Variants in PCDHGA3 observed in about 807,000 individuals in gnomAD.
PCDHGA3 encodes protocadherin gamma-A3.
PCDHGA3 carries 40 observed loss-of-function variants against 58.5 expected under a neutral mutation model. That is an observed-to-expected ratio of 0.68 (90% CI 0.53 to 0.89). The LOEUF (loss-of-function observed/expected upper bound fraction) is 0.89. Among genes scored for constraint, PCDHGA3 ranks in the 40% least tolerant of loss-of-function variants. The pLI is 0.00. For missense variants in PCDHGA3, 1,223 were observed against 1,195.9 expected, an observed-to-expected ratio of 1.02 and a Z score of -0.33; for synonymous variants, 530 against 525.7, an observed-to-expected ratio of 1.01 and a Z score of -0.11.
chr5:141,374,326 C>T (rs1343594345), intron 1 of PCDHGA3: 6 of 1,613,980 alleles, frequency 3.7e-6, no homozygotes, highest in East Asian at 4.5e-5. Context: ...ATCCGCGAAA[C>T]GGCAGCTTGG....
intron 1 of PCDHGA3, chr5:141,478,429 G>C: frequency 6.2e-7 from 1 of 1,613,674 alleles, no homozygotes; most frequent in Non-Finnish European, 8.5e-7. Flanking sequence ...GCAGCGACCC[G>C]CTGCTGAAGA....
intron 1 of PCDHGA3, among the ~76,000 whole-genome samples, chr5:141,380,802 T>C (rs1776746309): frequency 6.6e-6 from 1 of 152,118 alleles, no homozygotes; most frequent in African/African-American, 2.4e-5. Context: ...AAGAAACAAA[T>C]GTGAGATGAA....
chr5:141,491,602 A>T lies in PCDHGA3; in HGVS notation c.2425-3205A>T. On this transcript the variant is annotated intron_variant, in intron 1 of 3. Transcript: ENST00000253812. The surrounding 1 kb of genome is among the most constrained non-coding windows in gnomAD (Gnocchi z 6.9). ...ACCGGCCTCGGACGGCAGTGACTTC[A>T]CTTTTCTAAGACCCCTCAGCGTTCA... is the stretch of plus-strand genomic sequence containing the variant. The T allele has an allele frequency of 6.2e-7, 1 of 1,613,838 alleles. No individual in the cohort carries two copies. Among genetic ancestry groups the T allele is most frequent in the Non-Finnish European group, 8.5e-7 (1 of 1,180,016 alleles).
chr5:141,366,397 C>G, intron 1 of PCDHGA3: 2 of 1,614,182 alleles, frequency 1.2e-6, no homozygotes, highest in African/African-American at 1.3e-5. Flanking sequence ...ATCTGGACCT[C>G]ACACTCTATC....
rs2099702455 is a variant in PCDHGA3, at chr5:141,490,641, G to C, written c.2425-4166G>C. 6.2e-7 allele frequency: 1 copy of C among 1,614,042 alleles called. No homozygotes were observed. Among genetic ancestry groups the C allele is most frequent in the Admixed American group, 1.7e-5 (1 of 60,004 alleles). On this transcript the variant is annotated intron_variant, in intron 1 of 3. Coordinates refer to ENST00000253812, the MANE Select transcript of PCDHGA3 (RefSeq NM_018916.4). The surrounding 1 kb of genome is among the most constrained non-coding windows in gnomAD (Gnocchi z 5.4). ...ACACTGCTTACATCCTAGAAAACCG[G>C]CCTCCGGGCTCCCTTCTTTGCACTG...
chr5:141,421,505 G>A (rs745883683), intron 1 of PCDHGA3: 3 of 1,614,058 alleles, frequency 1.9e-6, no homozygotes, highest in South Asian at 1.1e-5. Context: ...AGGATAGACC[G>A]GGAGGAGCTC....
rs144613597 is a variant in PCDHGA3, at chr5:141,483,029, G to A, written c.2425-11778G>A. 3.9e-3 allele frequency among the ~76,000 whole-genome samples: 588 copies of A among 152,220 alleles called. 6 individuals are homozygous for A. Among genetic ancestry groups the A allele is most frequent in the Admixed American group, 0.011 (169 of 15,280 alleles). ...GAACCCGGGAGGCAGAGGTTGCAAT[G>A]AGCTGGTGTCAGGCCACTGCACTCC... On this transcript the variant is annotated intron_variant, in intron 1 of 3. Transcript: ENST00000253812.
chr5:141,495,465 G>A (rs563411010), intron 2 of PCDHGA3, among the ~76,000 whole-genome samples: 3 of 152,182 alleles, frequency 2.0e-5, no homozygotes, highest in Non-Finnish European at 2.9e-5. Context: ...TGTCTGTGGG[G>A]TCTCCGTGTC....
At chr5:141,479,003 C>A (rs2099485569) in intron 1 of PCDHGA3, among the ~76,000 whole-genome samples, 1 of 152,176 alleles carries the variant, frequency 6.6e-6, no homozygotes, top group African/African-American at 2.4e-5. Flanking sequence ...AAACTAATAG[C>A]TTTTTGATAA....
chr5:141,402,942 G>A, intron 1 of PCDHGA3: 1 of 1,591,382 alleles, frequency 6.3e-7, no homozygotes, highest in Non-Finnish European at 8.6e-7. Flanking sequence ...AAATTCCAAA[G>A]CGAGGCAGCA....
chr5:141,381,834 T>TTCTTTCTTTCTTTCTTTCTTCTTC, intron 1 of PCDHGA3, among the ~76,000 whole-genome samples: 1 of 140,162 alleles, frequency 7.1e-6, no homozygotes, highest in African/African-American at 2.8e-5. Flanking sequence ...TTCTTTTTTT[T>TTCTTTCTTTCTTTCTTTCTTCTTC]TTTTTTTTTT....
intron 1 of PCDHGA3, chr5:141,365,265 C>T: frequency 1.2e-6 from 2 of 1,613,964 alleles, no homozygotes; most frequent in African/African-American, 1.3e-5. Context: ...TATGAAGAAT[C>T]CAGATTCTAC....
At position 141,485,009 on chromosome 5, in the gene PCDHGA3, C is replaced by T. The variant is rs531346426; in HGVS notation, c.2425-9798C>T. The T allele has an allele frequency of 6.4e-5, 40 of 628,334 alleles. No homozygotes were observed. Among genetic ancestry groups the T allele is most frequent in the Admixed American group, 5.3e-4 (18 of 33,986 alleles). The allele number at this position is 628,334 out of a possible 1,614,324, so 38.9% of individuals were successfully genotyped here. On this transcript the variant is annotated intron_variant, in intron 1 of 3. Transcript: ENST00000253812. The surrounding 1 kb of genome is among the most constrained non-coding windows in gnomAD (Gnocchi z 5.7). Reference sequence around the variant, plus strand: ...GGTGGTGAAAGGCAGACAAATCTACCCCGCCACCAGCAAAAACGGCGCGTA... The same window carrying T: ...GGTGGTGAAAGGCAGACAAATCTACTCCGCCACCAGCAAAAACGGCGCGTA...
At chr5:141,346,657 A>G (rs1757788740) in intron 1 of PCDHGA3, 200 bp downstream of exon 1, 2 of 746,560 alleles carry the variant, frequency 2.7e-6, no homozygotes, top group African/African-American at 1.8e-5. Context: ...GCTTAGGGAA[A>G]AAATAATACA....
At chr5:141,365,361 C>T (rs1223911772) in intron 1 of PCDHGA3, 6 of 1,613,832 alleles carry the variant, frequency 3.7e-6, no homozygotes, top group Admixed American at 1.7e-5. Context: ...AATGACAATG[C>T]CCCCGAAGTG....
At chr5:141,470,585 G>A (rs2099233788) in intron 1 of PCDHGA3, among the ~76,000 whole-genome samples, 1 of 152,188 alleles carries the variant, frequency 6.6e-6, no homozygotes, top group African/African-American at 2.4e-5. Flanking sequence ...AACTTCATAG[G>A]CAGGCGACCT....
At chr5:141,420,076 TC>T (rs2096464805) in intron 1 of PCDHGA3, 2 of 1,613,956 alleles carry the variant, frequency 1.2e-6, no homozygotes, top group East Asian at 2.2e-5. Flanking sequence ...GACCTGTGGG[TC>T]CCCCCAACTA....
chr5:141,467,769 G>A (rs573567102), intron 1 of PCDHGA3, among the ~76,000 whole-genome samples: 9 of 151,590 alleles, frequency 5.9e-5, no homozygotes, highest in East Asian at 3.9e-4. Flanking sequence ...TCAAGTGCCC[G>A]CACCTCAGCC....
chr5:141,385,095 G>A (rs1780850874), intron 1 of PCDHGA3: 9 of 1,614,202 alleles, frequency 5.6e-6, no homozygotes, highest in East Asian at 4.5e-5. Context: ...AAGGTGGCTT[G>A]GCGAACGTGC....
Sources: gnomAD v4.1 joint callset for allele counts (sites outside exome capture counted in the v4.1 genomes callset) on GRCh38, gnomAD v4.1.1 for gene constraint, Gnocchi (gnomAD v3.1) non-coding constraint, MANE v1.5 for transcripts, NCBI Gene and HGNC (gene_info 2026-07-23, HGNC 2026-07-21) for gene names.